Variants in DOCK8 observed in about 807,000 individuals in gnomAD.
DOCK8 encodes dedicator of cytokinesis protein 8.
DOCK8 carries 141 observed loss-of-function variants against 245.6 expected under a neutral mutation model. That is an observed-to-expected ratio of 0.57 (90% CI 0.50 to 0.66). DOCK8 has a LOEUF of 0.66. Among genes scored for constraint, DOCK8 ranks in the 30% least tolerant of loss-of-function variants. The pLI is 0.00. For synonymous variants in DOCK8, 1,168 were observed against 970.2 expected, an observed-to-expected ratio of 1.20 and a Z score of -3.79; for missense variants, 2,965 against 2,603.4, an observed-to-expected ratio of 1.14 and a Z score of -3.02.
intron 24 of DOCK8, among the ~76,000 whole-genome samples, chr9:394,197 G>A (rs1269787334): frequency 6.6e-6 from 1 of 152,096 alleles, no homozygotes; most frequent in African/African-American, 2.4e-5. Context: ...GGTTAAGGGG[G>A]CCTGAGTGAT....
chr9:432,978 G>C (rs1301245075), intron 37 of DOCK8, among the ~76,000 whole-genome samples: 1 of 152,196 alleles, frequency 6.6e-6, no homozygotes, highest in Non-Finnish European at 1.5e-5. Flanking sequence ...CTCTATGGTA[G>C]GGTCTTAATT....
chr9:359,930 T>C (rs922546322), intron 14 of DOCK8, among the ~76,000 whole-genome samples: 3 of 152,206 alleles, frequency 2.0e-5, no homozygotes, highest in Non-Finnish European at 4.4e-5. Flanking sequence ...GAGCTTTTTA[T>C]GTATAAACCT....
At chr9:335,354 G>T (rs538486009) in intron 11 of DOCK8, among the ~76,000 whole-genome samples, 29 of 152,198 alleles carry the variant, frequency 1.9e-4, no homozygotes, top group African/African-American at 7.0e-4. Context: ...AAATGCTTTT[G>T]TATCCACCAA....
intron 9 of DOCK8, among the ~76,000 whole-genome samples, chr9:330,508 T>C (rs2050962636): frequency 6.6e-6 from 1 of 152,194 alleles, no homozygotes; most frequent in African/African-American, 2.4e-5. Flanking sequence ...ACATTTGCTG[T>C]GTATGGTAGC....
intron 1 of DOCK8, among the ~76,000 whole-genome samples, chr9:235,050 G>C (rs1457695626): frequency 6.6e-6 from 1 of 150,744 alleles, no homozygotes; most frequent in Non-Finnish European, 1.5e-5. Flanking sequence ...GGTCTTTGAT[G>C]ATGGTGACGT....
At chr9:226,392 T>C (rs1033521066) in intron 1 of DOCK8, among the ~76,000 whole-genome samples, 1 of 152,150 alleles carries the variant, frequency 6.6e-6, no homozygotes, top group African/African-American at 2.4e-5. Context: ...AGCCAAACCA[T>C]ATCAAATGGG....
chr9:400,019 C>CCTCCTTCACCATCACCAG (rs1564011526), intron 26 of DOCK8, among the ~76,000 whole-genome samples: 5 of 126,246 alleles, frequency 4.0e-5, no homozygotes, highest in African/African-American at 1.1e-4. Context: ...ACCATCACCA[C>CCTCCTTCACCATCACCAG]CACCTCCACC....
At chr9:322,423 G>A (rs1223085243) in intron 7 of DOCK8, among the ~76,000 whole-genome samples, 1 of 150,174 alleles carries the variant, frequency 6.7e-6, no homozygotes, top group African/African-American at 2.5e-5. Flanking sequence ...GAACACTCAC[G>A]GAAAAAGCCC....
At chr9:398,960 A>C (rs1474001033) in intron 25 of DOCK8, among the ~76,000 whole-genome samples, 186 bp from the exon 26 acceptor site, 2 of 152,214 alleles carry the variant, frequency 1.3e-5, no homozygotes, top group Non-Finnish European at 2.9e-5. Context: ...TGCACGAATA[A>C]TTACTTGATT....
At position 404,935 on chromosome 9, in the gene DOCK8, T is replaced by C. The variant is rs1374895496; in HGVS notation, c.3252T>C (p.Ser1084=). ...CTTCCCAGCTGTCAGCCAAGCTCAG[T>C]AACCTTCCAACGCTCATTTCCATGA... ...HYCSQLSAKL[S]NLPTLISMRL... The change falls in exon 27 of 48, where the codon AGT becomes AGC. Residue 1084 remains serine (S), a synonymous_variant. Transcript: ENST00000432829. 6 of 1,614,002 alleles carry C rather than the reference T, an allele frequency of 3.7e-6. No individual in the cohort carries two copies. Among genetic ancestry groups the C allele is most frequent in the Non-Finnish European group, 5.1e-6 (6 of 1,180,036 alleles).
At chr9:212,225 T>A (rs1405955936), upstream of DOCK8, among the ~76,000 whole-genome samples, 1 of 152,152 alleles carries the variant, frequency 6.6e-6, no homozygotes, top group Non-Finnish European at 1.5e-5. Flanking sequence ...GTTTGTTCAA[T>A]AAAATAGGTA....
rs772103842 is a variant in DOCK8, at chr9:382,587, A to G, written c.2680A>G (p.Lys894Glu). The change falls in exon 22 of 48, where the codon AAG becomes GAG. Residue 894 changes from lysine to glutamate, a missense_variant. By Grantham distance (56) the Lys-to-Glu change is moderately conservative. This residue lies in a region of DOCK8 where 2,825 missense variants were observed against 2,453.5 expected (regional missense o/e 1.15). Coordinates refer to ENST00000432829, the MANE Select transcript of DOCK8 (RefSeq NM_203447.4). ...GRTSAAAVSS[K>E]LLQARVMSSS... The stretch of plus-strand genomic sequence containing the variant: ...CACATCAGCTGCTGCTGTGAGTTCA[A>G]AGCTGCTGCAGGCCCGGGTGATGAG... 1 of 1,614,118 alleles carries G rather than the reference A, an allele frequency of 6.2e-7. No homozygotes were observed. Among genetic ancestry groups the G allele is most frequent in the South Asian group, 1.1e-5 (1 of 91,082 alleles).
chr9:377,704 C>T (rs1055885739), intron 20 of DOCK8, among the ~76,000 whole-genome samples: 1 of 152,144 alleles, frequency 6.6e-6, no homozygotes, highest in Non-Finnish European at 1.5e-5. Context: ...GCAATGATCG[C>T]TACAATCTAG....
intron 4 of DOCK8, among the ~76,000 whole-genome samples, chr9:293,960 T>C (rs2049151717): frequency 2.0e-5 from 3 of 152,240 alleles, no homozygotes; most frequent in African/African-American, 7.2e-5. Context: ...TACCCTTCCC[T>C]TAACTCACTC....
chr9:242,091 G>A lies in DOCK8; in HGVS notation c.53+27062G>A, dbSNP rs181730953. 4.5e-4 allele frequency among the ~76,000 whole-genome samples: 68 copies of A among 152,202 alleles called. 1 individual carries two copies. Among genetic ancestry groups the A allele is most frequent in the Admixed American group, 4.3e-3 (65 of 15,294 alleles). ...TTGTGTTGGTACATGCGATCTGCAG[G>A]GCCTTAGACGAATCATACATTTCAT... On this transcript the variant is annotated intron_variant, in intron 1 of 47. Coordinates refer to ENST00000432829, the MANE Select transcript of DOCK8 (RefSeq NM_203447.4).
intron 1 of DOCK8, among the ~76,000 whole-genome samples, chr9:268,806 T>A (rs2048091989): frequency 6.6e-6 from 1 of 152,224 alleles, no homozygotes; most frequent in African/African-American, 2.4e-5. Flanking sequence ...AATAAATGAT[T>A]GCAGTGTTGG....
chr9:361,496 C>G (rs2052727441), intron 14 of DOCK8, among the ~76,000 whole-genome samples: 1 of 152,194 alleles, frequency 6.6e-6, no homozygotes, highest in African/African-American at 2.4e-5. Flanking sequence ...AGACCTGGCT[C>G]CAGCCGTTTT....
intron 23 of DOCK8, among the ~76,000 whole-genome samples, chr9:387,861 T>C (rs978748263): frequency 2.0e-5 from 3 of 152,248 alleles, no homozygotes; most frequent in East Asian, 1.9e-4. Flanking sequence ...CTTTAACCCA[T>C]GTCCTGTTTG....
chr9:294,055 A>G (rs1052389634), intron 4 of DOCK8, among the ~76,000 whole-genome samples: 7 of 152,174 alleles, frequency 4.6e-5, no homozygotes. Flanking sequence ...TTTTTCACAT[A>G]AAGATATATG....
Sources: allele counts gnomAD v4.1 joint callset (sites outside exome capture counted in the v4.1 genomes callset), GRCh38; gene constraint gnomAD v4.1.1; regional missense constraint gnomAD v4.1.1; transcripts MANE v1.5; gene names NCBI Gene and HGNC (gene_info 2026-07-23, HGNC 2026-07-21).